The following SAMSN1 variants were observed in gnomAD, a reference collection of about 807,000 sequenced individuals.
The protein encoded by SAMSN1 is SAM domain-containing protein SAMSN-1.
SAMSN1 carries 31 observed loss-of-function variants against 42.0 expected under a neutral mutation model. That is an observed-to-expected ratio of 0.74 (90% CI 0.55 to 1.00). The LOEUF (loss-of-function observed/expected upper bound fraction) is 1.00. Ranked by LOEUF, SAMSN1 falls within the 50% of genes least tolerant of loss-of-function variation. SAMSN1 has a pLI of 0.00. For synonymous variants in SAMSN1, 178 were observed against 151.9 expected, an observed-to-expected ratio of 1.17 and a Z score of -1.26; for missense variants, 464 against 439.4, an observed-to-expected ratio of 1.06 and a Z score of -0.50.
At chr21:14,636,754 C>G (rs376265387) in intron 2 of SAMSN1, among the ~76,000 whole-genome samples, 3 of 149,130 alleles carry the variant, frequency 2.0e-5, no homozygotes, top group Admixed American at 2.0e-4. Context: ...GAGGCTGAGG[C>G]GGTGGCGGGG....
intron 2 of SAMSN1, among the ~76,000 whole-genome samples, chr21:14,577,253 TATATATATATATATATATATATATATATA>T (rs1351115694): frequency 1.1e-4 from 4 of 37,370 alleles, no homozygotes; most frequent in Non-Finnish European, 1.9e-4. Context: ...TATATATATA[TATATATATATATATATATATATATATATA>T]TATTTTTTTT....
At chr21:14,631,295 A>G (rs1983322403) in intron 2 of SAMSN1, among the ~76,000 whole-genome samples, 1 of 152,182 alleles carries the variant, frequency 6.6e-6, no homozygotes, top group African/African-American at 2.4e-5. Context: ...ATACATTGTC[A>G]CTTTTTATTC....
chr21:14,538,127 G>A (rs1468580859), intron 1 of SAMSN1, among the ~76,000 whole-genome samples: 1 of 152,082 alleles, frequency 6.6e-6, no homozygotes, highest in East Asian at 1.9e-4. Context: ...TTTTTGTTTT[G>A]TTTTGTTTTT....
chr21:14,654,872 A>G (rs1233884463), intron 1 of SAMSN1, among the ~76,000 whole-genome samples: 3 of 151,780 alleles, frequency 2.0e-5, no homozygotes, highest in Non-Finnish European at 4.4e-5. Context: ...GAAAGAGAGA[A>G]AGAGAGAGAG....
intron 1 of SAMSN1, among the ~76,000 whole-genome samples, chr21:14,651,534 C>T (rs1399500177): frequency 6.6e-6 from 1 of 151,836 alleles, no homozygotes; most frequent in Non-Finnish European, 1.5e-5. Context: ...AAGGAACATA[C>T]CTCAACATAA....
chr21:14,515,308 T>G (rs544158269), intron 3 of SAMSN1, among the ~76,000 whole-genome samples: 2 of 152,184 alleles, frequency 1.3e-5, no homozygotes, highest in Non-Finnish European at 2.9e-5. Flanking sequence ...AGTCCATAAG[T>G]AAACTCACTT....
intron 7 of SAMSN1, chr21:14,593,969 G>T: frequency 1.4e-6 from 1 of 713,538 alleles, no homozygotes. Flanking sequence ...GAAAAGAGAT[G>T]GGAAATCCAC....
chr21:14,567,723 T>A (rs1323485370), intron 2 of SAMSN1, among the ~76,000 whole-genome samples: 2 of 152,018 alleles, frequency 1.3e-5, no homozygotes, highest in African/African-American at 4.8e-5. Context: ...CCTAAGGTGA[T>A]GTGTATGGCA....
intron 2 of SAMSN1, among the ~76,000 whole-genome samples, chr21:14,561,642 C>T (rs552616341): frequency 2.4e-4 from 36 of 152,214 alleles, no homozygotes; most frequent in African/African-American, 8.4e-4. Flanking sequence ...ATTCCTGACC[C>T]CCAGCACCTC....
At chr21:14,532,332 AAC>A (rs1979320659) in intron 1 of SAMSN1, among the ~76,000 whole-genome samples, 1 of 152,228 alleles carries the variant, frequency 6.6e-6, no homozygotes, top group African/African-American at 2.4e-5. Context: ...TAGGAATTTA[AAC>A]ACTTTTTTTC....
chr21:14,532,794 A>T (rs1979349285), intron 1 of SAMSN1, among the ~76,000 whole-genome samples: 1 of 152,152 alleles, frequency 6.6e-6, no homozygotes, highest in Admixed American at 6.5e-5. Context: ...CCTAACATAC[A>T]AATCAAACAA....
intron 2 of SAMSN1, among the ~76,000 whole-genome samples, chr21:14,579,093 G>A (rs4817266): frequency 0.36 from 55,105 of 152,006 alleles, 10,622 homozygotes; most frequent in Non-Finnish European, 0.43. Flanking sequence ...GAATATATGT[G>A]TAGAATACAA....
chr21:14,514,822 C>T (rs979923168), intron 3 of SAMSN1, among the ~76,000 whole-genome samples: 1 of 151,890 alleles, frequency 6.6e-6, no homozygotes, highest in Non-Finnish European at 1.5e-5. Flanking sequence ...TACTGGACAT[C>T]TAAATGAAGA....
chr21:14,523,718 G>C (rs9941903), intron 1 of SAMSN1, among the ~76,000 whole-genome samples: 1 of 152,184 alleles, frequency 6.6e-6, no homozygotes, highest in Admixed American at 6.5e-5. Flanking sequence ...ATTAATGAGA[G>C]TAAGGGTGCG....
chr21:14,614,561 C>G (rs957132666), intron 3 of SAMSN1, among the ~76,000 whole-genome samples: 2 of 152,178 alleles, frequency 1.3e-5, no homozygotes, highest in Non-Finnish European at 2.9e-5. Context: ...CTCGCTTCGG[C>G]AGCACAGATA....
intron 5 of SAMSN1, among the ~76,000 whole-genome samples, chr21:14,502,664 T>C (rs1038940812): frequency 6.6e-6 from 1 of 152,168 alleles, no homozygotes; most frequent in African/African-American, 2.4e-5. Context: ...GTTGTGTTTA[T>C]TTCCTTCTAC....
At chr21:14,616,806 G>A (rs1015923927) in intron 2 of SAMSN1, among the ~76,000 whole-genome samples, 2 of 152,086 alleles carry the variant, frequency 1.3e-5, no homozygotes, top group African/African-American at 4.8e-5. Context: ...CACTTTTGAG[G>A]GGGAAAAACA....
At chr21:14,527,577 T>C (rs1978947706) in intron 1 of SAMSN1, among the ~76,000 whole-genome samples, 1 of 152,192 alleles carries the variant, frequency 6.6e-6, no homozygotes, top group African/African-American at 2.4e-5. Context: ...TCTGGTTCAG[T>C]AACTTTTCTA....
At chr21:14,601,096 T>A (rs1982418348) in intron 6 of SAMSN1, among the ~76,000 whole-genome samples, 1 of 152,188 alleles carries the variant, frequency 6.6e-6, no homozygotes, top group Non-Finnish European at 1.5e-5. Flanking sequence ...CAATGCCACA[T>A]AGCTACTAAC....
Sources: allele counts gnomAD v4.1 joint callset (sites outside exome capture counted in the v4.1 genomes callset), GRCh38; gene constraint gnomAD v4.1.1; transcripts MANE v1.5; gene names NCBI Gene and HGNC (gene_info 2026-07-23, HGNC 2026-07-21).